Variants in PLSCR2 observed in about 807,000 individuals in gnomAD.
PLSCR2 encodes phospholipid scramblase 2.
A neutral mutation model predicts 25.3 loss-of-function variants in PLSCR2; 18 were observed. The ratio of observed to expected loss-of-function variants is 0.71; its 90% CI spans 0.49 to 1.06. PLSCR2 has a LOEUF of 1.06. Among genes scored for constraint, PLSCR2 ranks in the 50% least tolerant of loss-of-function variants. PLSCR2 has a pLI of 0.00. For missense variants in PLSCR2, 243 were observed against 269.5 expected, an observed-to-expected ratio of 0.90 and a Z score of 0.69; for synonymous variants, 88 against 87.3, an observed-to-expected ratio of 1.01 and a Z score of -0.04.
intron 1 of PLSCR2, chr3:146,494,936 C>A (rs887361262): frequency 1.3e-5 from 2 of 152,164 alleles, no homozygotes; most frequent in Admixed American, 1.3e-4. Flanking sequence ...TAGGTCAACT[C>A]TGATCCCAGT....
At position 146,457,416 on chromosome 3, in the gene PLSCR2, C is replaced by G. The variant is rs543299716; in HGVS notation, c.100+995G>C. On this transcript the variant is annotated intron_variant, in intron 3 of 6. Transcript: ENST00000610787. ...AATTTATTCTTGCACCTAGGAAGCA[C>G]TGGACCTAAGAACATAACTGGTGGC... is the stretch of plus-strand genomic sequence containing the variant. Among the ~76,000 whole-genome samples the G allele has an allele frequency of 2.6e-5, 4 of 152,332 alleles. 1 individual carries two copies. In the South Asian group the frequency reaches 8.3e-4, roughly 32 times the overall value.
downstream of PLSCR2, among the ~76,000 whole-genome samples, chr3:146,438,133 GAGAGAC>G (rs545848087): frequency 7.0e-4 from 106 of 152,326 alleles, 1 homozygote; most frequent in South Asian, 8.9e-3. Flanking sequence ...ACTGTGGTCT[GAGAGAC>G]AGTTTTTTAT....
intron 8 of PLSCR2, among the ~76,000 whole-genome samples, chr3:146,436,235 AG>A (rs1453108287): frequency 4.6e-5 from 7 of 152,206 alleles, no homozygotes; most frequent in Admixed American, 2.6e-4. Flanking sequence ...CTTTTTGCTT[AG>A]GATTGTCTTG....
chr3:146,480,724 C>A (rs192607859), intron 1 of PLSCR2, among the ~76,000 whole-genome samples: 2 of 152,316 alleles, frequency 1.3e-5, no homozygotes, highest in African/African-American at 4.8e-5. Flanking sequence ...TCCTCCCTAA[C>A]TCATTTTATA....
intron 2 of PLSCR2, among the ~76,000 whole-genome samples, chr3:146,397,360 A>C (rs922801267): frequency 1.3e-5 from 2 of 152,116 alleles, no homozygotes; most frequent in African/African-American, 2.4e-5. Context: ...GGTATCACTT[A>C]CCTTTAATAC....
chr3:146,419,736 T>G (rs1327914986), intron 2 of PLSCR2, among the ~76,000 whole-genome samples: 1 of 152,036 alleles, frequency 6.6e-6, no homozygotes, highest in Non-Finnish European at 1.5e-5. Flanking sequence ...TGTGGCCTCC[T>G]TCCTCCATCT....
intron 2 of PLSCR2, among the ~76,000 whole-genome samples, chr3:146,407,648 C>T (rs1181180443): frequency 5.3e-5 from 8 of 152,050 alleles, no homozygotes; most frequent in Non-Finnish European, 1.0e-4. Context: ...TGGTAGATAG[C>T]GTCATGTACA....
upstream of PLSCR2, chr3:146,461,899 T>G: frequency 1.3e-6 from 2 of 1,509,358 alleles, no homozygotes; most frequent in Non-Finnish European, 1.8e-6. Flanking sequence ...TTTTCAGGAG[T>G]GCCCAGTACT....
chr3:146,480,461 T>C (rs1191643702), intron 1 of PLSCR2, among the ~76,000 whole-genome samples: 1 of 151,984 alleles, frequency 6.6e-6, no homozygotes, highest in Non-Finnish European at 1.5e-5. Context: ...TATAAACACC[T>C]CTGCGAAAAT....
chr3:146,449,594 T>G (rs548479118), intron 5 of PLSCR2, among the ~76,000 whole-genome samples: 3 of 151,938 alleles, frequency 2.0e-5, no homozygotes, highest in Non-Finnish European at 2.9e-5. Flanking sequence ...TTTTACGAAA[T>G]TTTTAACATT....
intron 1 of PLSCR2, among the ~76,000 whole-genome samples, chr3:146,474,855 T>C (rs1452973974): frequency 1.3e-5 from 2 of 151,934 alleles, no homozygotes; most frequent in Non-Finnish European, 2.9e-5. Context: ...ATTTTTTCTC[T>C]ATTCTCGTCT....
At chr3:146,393,717 G>A (rs2038174018) in intron 3 of PLSCR2, among the ~76,000 whole-genome samples, 2 of 149,300 alleles carry the variant, frequency 1.3e-5, no homozygotes, top group South Asian at 2.2e-4. Context: ...GCTGAGGCAG[G>A]AGAATCGCTT....
At chr3:146,418,212 C>T (rs2039045651) in intron 2 of PLSCR2, among the ~76,000 whole-genome samples, 1 of 152,078 alleles carries the variant, frequency 6.6e-6, no homozygotes, top group Non-Finnish European at 1.5e-5. Context: ...GTTCTGTCTA[C>T]AATATTTCTT....
chr3:146,462,468 CTT>C (rs35843946), upstream of PLSCR2, among the ~76,000 whole-genome samples: 68,959 of 144,756 alleles, frequency 0.48, 16,793 homozygotes, highest in Middle Eastern at 0.61. Flanking sequence ...TCTTTTCTTT[CTT>C]TTTTTTTTTT....
At chr3:146,495,382 AG>A (rs2043709649) in intron 1 of PLSCR2, among the ~76,000 whole-genome samples, 1 of 152,214 alleles carries the variant, frequency 6.6e-6, no homozygotes, top group Admixed American at 6.5e-5. Context: ...GCATCAGCAA[AG>A]TAATAAATTC....
intron 1 of PLSCR2, among the ~76,000 whole-genome samples, chr3:146,484,453 C>T (rs552647752): frequency 1.3e-5 from 2 of 152,040 alleles, no homozygotes; most frequent in South Asian, 2.1e-4. Flanking sequence ...CATTAAGATG[C>T]TTTATGAAAA....
chr3:146,476,750 C>T (rs745968364), intron 1 of PLSCR2, among the ~76,000 whole-genome samples: 5 of 152,240 alleles, frequency 3.3e-5, no homozygotes, highest in Non-Finnish European at 4.4e-5. Flanking sequence ...CACGACCAGA[C>T]TGCCTCTTTA....
intron 2 of PLSCR2, among the ~76,000 whole-genome samples, chr3:146,419,808 C>T (rs566493782): frequency 2.0e-5 from 3 of 152,142 alleles, no homozygotes; most frequent in East Asian, 3.9e-4. Context: ...CCTATAAGGT[C>T]ACCTGTGATT....
chr3:146,464,307 G>T (rs141500424), upstream of PLSCR2, among the ~76,000 whole-genome samples: 1 of 152,116 alleles, frequency 6.6e-6, no homozygotes, highest in Admixed American at 6.5e-5. Context: ...AAAATTGCAT[G>T]AGCCAATTTC....
Sources: allele counts gnomAD v4.1 joint callset (sites outside exome capture counted in the v4.1 genomes callset), GRCh38; gene constraint gnomAD v4.1.1; transcripts MANE v1.5; gene names NCBI Gene and HGNC (gene_info 2026-07-23, HGNC 2026-07-21).